The following USH2A variants were observed in gnomAD, a reference collection of about 807,000 sequenced individuals.
USH2A encodes Usher syndrome 2A (autosomal recessive, mild).
In USH2A, 443 loss-of-function variants were observed where a neutral mutation model predicts 538.9. The ratio of observed to expected loss-of-function variants is 0.82; its 90% CI spans 0.76 to 0.89. The LOEUF is 0.89. Ranked by LOEUF, USH2A falls within the 40% of genes least tolerant of loss-of-function variation. The probability of loss-of-function intolerance (pLI) is 0.00; values close to 1 mark genes in which losing one functional copy is unlikely to be tolerated. For missense variants in USH2A, 6,633 were observed against 6,324.8 expected (o/e 1.05, Z -1.65); for synonymous variants, 2,413 against 2,273.5 (o/e 1.06, Z -1.75).
At chr1:216,101,697 G>A (rs2032582747) in intron 21 of USH2A, among the ~76,000 whole-genome samples, 1 of 152,184 alleles carries the variant, frequency 6.6e-6, no homozygotes, top group African/African-American at 2.4e-5. Flanking sequence ...CTGAAATTTA[G>A]ACTTTGATTT....
chr1:215,930,363 T>C (rs1488080452), intron 38 of USH2A, among the ~76,000 whole-genome samples: 2 of 151,928 alleles, frequency 1.3e-5, no homozygotes, highest in African/African-American at 4.8e-5. Flanking sequence ...AGTTCTTTGA[T>C]GTAACAAAGA....
chr1:215,711,026 T>C (rs1466941510), intron 61 of USH2A, among the ~76,000 whole-genome samples: 1 of 152,126 alleles, frequency 6.6e-6, no homozygotes, highest in Non-Finnish European at 1.5e-5. Flanking sequence ...GCCCTCGCTT[T>C]CTTCCAACTT....
intron 70 of USH2A, chr1:215,630,260 A>G (rs1436548278): frequency 2.2e-6 from 1 of 457,200 alleles, no homozygotes; most frequent in Non-Finnish European, 4.4e-6. Context: ...ACAGAGTCAA[A>G]CTGAGAACAA....
At chr1:216,411,084 TA>T (rs139843068) in intron 3 of USH2A, among the ~76,000 whole-genome samples, 5,141 of 150,740 alleles carry the variant, frequency 0.034, 121 homozygotes, top group South Asian at 0.073. Flanking sequence ...GAGTTCCATT[TA>T]AAAAAAAAAT....
intron 49 of USH2A, among the ~76,000 whole-genome samples, chr1:215,806,568 C>T (rs986903627): frequency 5.3e-5 from 8 of 152,018 alleles, no homozygotes; most frequent in African/African-American, 1.9e-4. Flanking sequence ...TGAAACTGTC[C>T]CAAAATCTAC....
chr1:215,829,762 A>T (rs1409423132), intron 47 of USH2A, among the ~76,000 whole-genome samples: 2 of 152,196 alleles, frequency 1.3e-5, no homozygotes, highest in African/African-American at 4.8e-5. Flanking sequence ...GCCTTTGGAA[A>T]ATGTTACTCT....
intron 47 of USH2A, among the ~76,000 whole-genome samples, chr1:215,829,523 A>G (rs1301237313): frequency 1.3e-5 from 2 of 152,240 alleles, no homozygotes; most frequent in African/African-American, 2.4e-5. Flanking sequence ...CTAGAGAAGT[A>G]GACCCCGTCT....
intron 20 of USH2A, among the ~76,000 whole-genome samples, chr1:216,188,903 C>A (rs1261936991): frequency 6.6e-6 from 1 of 151,912 alleles, no homozygotes; most frequent in Non-Finnish European, 1.5e-5. Flanking sequence ...TTTTTACTTT[C>A]TCCAACTTGT....
intron 55 of USH2A, among the ~76,000 whole-genome samples, chr1:215,773,807 T>G (rs1035195392): frequency 6.6e-6 from 1 of 152,176 alleles, no homozygotes; most frequent in East Asian, 1.9e-4. Flanking sequence ...TTGACTGTGA[T>G]GGATAGAGCC....
rs71161423 is a variant in USH2A at position 216,415,508 on chromosome 1, C to CTTTT, written c.651+3002_651+3005dup. Among the ~76,000 whole-genome samples the CTTTT allele has an allele frequency of 1.4e-3, 135 of 96,852 alleles. 2 individuals are homozygous for CTTTT. Among genetic ancestry groups the CTTTT allele is most frequent in the African/African-American group, 4.8e-3 (124 of 25,818 alleles). The allele number at this position is 96,852 out of a possible 152,430, so 63.5% of individuals were successfully genotyped here. A position where few individuals can be genotyped will look rare whatever the true frequency, so the allele number is the denominator to read the frequency against. On this transcript the variant is annotated intron_variant, in intron 3 of 71. Coordinates refer to ENST00000307340, the MANE Select transcript of USH2A (RefSeq NM_206933.4). Reference sequence around the variant, plus strand: ...TCCTAATCTCCTGTCCTTCCTGTCACTTTTTTTTTTTTTTTTTTTTTTTTT... The same window carrying CTTTT: ...TCCTAATCTCCTGTCCTTCCTGTCACTTTTTTTTTTTTTTTTTTTTTTTTTTTTT...
At position 216,102,624 on chromosome 1, in the gene USH2A, C is replaced by T. The variant is rs978334115; in HGVS notation, c.4628-5411G>A. Among the ~76,000 whole-genome samples, 3 of 151,960 alleles carry T rather than the reference C, an allele frequency of 2.0e-5. No individual in the cohort carries two copies. The East Asian group carries it at 5.8e-4, about 29-fold the overall frequency. The stretch of plus-strand genomic sequence containing the variant: ...ACCATCCTGGATAACACGGCGAAAC[C>T]TCGTCTCTACTAAAAGTACAAAAAA... On this transcript the variant is annotated intron_variant, in intron 21 of 71. Transcript: ENST00000307340.
rs768124080 is a variant in USH2A, at chr1:215,650,611, G to A, written c.14324C>T (p.Ala4775Val). 1.2e-6 allele frequency: 2 copies of A among 1,614,118 alleles called. No individual in the cohort carries two copies. Among genetic ancestry groups the A allele is most frequent in the African/African-American group, 2.7e-5 (2 of 75,020 alleles). The change falls in exon 65 of 72, where the codon GCC becomes GTC. Residue 4775 changes from alanine (A) to valine (V), a missense_variant. Coordinates refer to ENST00000307340, the MANE Select transcript of USH2A (RefSeq NM_206933.4). ...VSLYRLFSSSAHGAETVLSEG... is the reference protein window; with the variant it reads ...VSLYRLFSSSVHGAETVLSEG... ...GCTCACCACTGTCTCAGCCCCATGG[G>A]CGCTGCTGGAGAACAGCCTGTAGAG...
chr1:215,786,895 G>A (rs1385431556), intron 51 of USH2A, 21 bp from the exon 52 acceptor site: 2 of 1,601,912 alleles, frequency 1.2e-6, no homozygotes, highest in Non-Finnish European at 1.7e-6. Flanking sequence ...TGGCAGGGGT[G>A]AGAGAGAGAG....
chr1:216,206,018 G>A (rs2035103978), intron 16 of USH2A, among the ~76,000 whole-genome samples: 1 of 152,074 alleles, frequency 6.6e-6, no homozygotes, highest in Non-Finnish European at 1.5e-5. Context: ...TCTTTCAAAA[G>A]TTTATGTTGC....
At chr1:215,932,039 T>G (rs759460049) in intron 38 of USH2A, among the ~76,000 whole-genome samples, 1 of 151,978 alleles carries the variant, frequency 6.6e-6, no homozygotes, top group Non-Finnish European at 1.5e-5. Context: ...GAGCATTTTA[T>G]TTTGCCCAAC....
At chr1:216,394,946 C>T (rs1202369257) in intron 3 of USH2A, among the ~76,000 whole-genome samples, 1 of 152,026 alleles carries the variant, frequency 6.6e-6, no homozygotes, top group Non-Finnish European at 1.5e-5. Flanking sequence ...TCTCGCTCTC[C>T]TGACCTTGTG....
At chr1:215,798,072 A>T (rs896314679) in intron 50 of USH2A, among the ~76,000 whole-genome samples, 6 of 152,172 alleles carry the variant, frequency 3.9e-5, no homozygotes, top group Non-Finnish European at 7.3e-5. Flanking sequence ...TTTAGACTCA[A>T]AATGGGAAAA....
chr1:215,773,310 C>T (rs548922664), intron 55 of USH2A, among the ~76,000 whole-genome samples: 50 of 152,152 alleles, frequency 3.3e-4, no homozygotes, highest in Non-Finnish European at 6.0e-4. Flanking sequence ...AACTGGAAGG[C>T]CCATTTGCAT....
Position 215,625,619 on chromosome 1 carries a change from T to A in USH2A, c.*162A>T, listed in dbSNP as rs1480965204. On this transcript the variant is annotated 3_prime_UTR_variant, in exon 72 of 72. Transcript: ENST00000307340. The stretch of plus-strand genomic sequence containing the variant: ...TGAGAAAAATATCATTTCTTAGACC[T>A]CTATTAGGAAGGAACACTTTCAAAA... The A allele has an allele frequency of 5.8e-6, 4 of 693,380 alleles. No individual in the cohort carries two copies. Among genetic ancestry groups the A allele is most frequent in the Non-Finnish European group, 1.0e-5 (4 of 383,104 alleles). The allele number at this position is 693,380 out of a possible 1,614,324, so 43.0% of individuals were successfully genotyped here.
Sources: gnomAD v4.1 joint callset for allele counts (sites outside exome capture counted in the v4.1 genomes callset) on GRCh38, gnomAD v4.1.1 for gene constraint, MANE v1.5 for transcripts, NCBI Gene and HGNC (gene_info 2026-07-23, HGNC 2026-07-21) for gene names.